CRHR1: variants seen among roughly 807,000 people sequenced by gnomAD.
The protein encoded by CRHR1 is corticotropin releasing hormone receptor 1, also known as corticotropin-releasing hormone receptor 1.
In CRHR1, 28 loss-of-function variants were observed where a neutral mutation model predicts 56.0. The observed-to-expected ratio is 0.50, with a 90% CI of 0.37 to 0.69. The LOEUF is 0.69. Ranked by LOEUF, CRHR1 falls within the 30% of genes least tolerant of loss-of-function variation. CRHR1 has a pLI of 0.00. For missense variants in CRHR1, 376 were observed against 548.0 expected, an observed-to-expected ratio of 0.69 and a Z score of 3.13; for synonymous variants, 195 against 216.5, an observed-to-expected ratio of 0.90 and a Z score of 0.87.
intron 1 of CRHR1, among the ~76,000 whole-genome samples, chr17:45,793,403 G>A (rs896900952): frequency 2.6e-5 from 4 of 152,130 alleles, no homozygotes; most frequent in African/African-American, 9.7e-5. Context: ...GCAGGGTCAG[G>A]GCACTCTAGC....
rs560741269 is a variant in CRHR1, at chr17:45,829,830, C to T, written c.435-264C>T. On this transcript the variant is annotated intron_variant, in intron 5 of 12. Coordinates refer to ENST00000314537, the MANE Select transcript of CRHR1 (RefSeq NM_004382.5). ...AGGGGAAGCGGGCATCGCCAGGAAT[C>T]CAGCTGCCCTGGTCCATGGAGCACA... 2.0e-5 allele frequency among the ~76,000 whole-genome samples: 3 copies of T among 152,172 alleles called. No individual in the cohort carries two copies. In the East Asian group the frequency reaches 5.8e-4, roughly 30 times the overall value.
chr17:45,834,397 G>A (rs1180741914), intron 12 of CRHR1, among the ~76,000 whole-genome samples: 1 of 152,214 alleles, frequency 6.6e-6, no homozygotes, highest in Non-Finnish European at 1.5e-5. Flanking sequence ...GTGCCTTCGT[G>A]TGGGTTAGAA....
chr17:45,803,781 C>CGCGT (rs1568040423), intron 1 of CRHR1, among the ~76,000 whole-genome samples: 259 of 56,682 alleles, frequency 4.6e-3, no homozygotes, highest in African/African-American at 0.017. Flanking sequence ...TGTGTGCGTG[C>CGCGT]GCGTGCGCGT....
rs141020781 is a variant in CRHR1, at chr17:45,814,831, G to A, written c.122-1632G>A. On this transcript the variant is annotated intron_variant, in intron 2 of 12. Transcript: ENST00000314537. ...TTGGCCCACTCCAGCCGCCTGGCCC[G>A]CAGTCACCTCGTGTCCATTAAGCCC... is the stretch of plus-strand genomic sequence containing the variant. 7.2e-5 allele frequency among the ~76,000 whole-genome samples: 11 copies of A among 152,358 alleles called. No homozygotes were observed. In the South Asian group the frequency reaches 1.0e-3, roughly 14 times the overall value.
rs949636045 is a variant in CRHR1 at position 45,784,461 on chromosome 17, G to A, written c.-84G>A. On this transcript the variant is annotated 5_prime_UTR_variant, in exon 1 of 13. Coordinates refer to ENST00000314537, the MANE Select transcript of CRHR1 (RefSeq NM_004382.5). The surrounding 1 kb of genome is among the most constrained non-coding windows in gnomAD (Gnocchi z 4.2). Reference sequence around the variant, plus strand: ...GGAGCCCGGCCGCCCACCCCGTGCCGCCCGAGCCCGCAGCCGCCCGCCGGT... The same window carrying A: ...GGAGCCCGGCCGCCCACCCCGTGCCACCCGAGCCCGCAGCCGCCCGCCGGT... 6 of 1,400,046 alleles carry A rather than the reference G, an allele frequency of 4.3e-6. No homozygotes were observed. The highest frequency in any genetic ancestry group is 5.7e-6 in the Non-Finnish European group (6 of 1,050,742). The allele number at this position is 1,400,046 out of a possible 1,614,324, so 86.7% of individuals were successfully genotyped here.
At chr17:45,787,776 C>G (rs1429874129) in intron 1 of CRHR1, among the ~76,000 whole-genome samples, 1 of 152,190 alleles carries the variant, frequency 6.6e-6, no homozygotes, top group Admixed American at 6.5e-5. Context: ...CAAGTTGTTT[C>G]TTTGATTAAA....
chr17:45,822,618 C>A (rs1449875374), intron 4 of CRHR1, among the ~76,000 whole-genome samples: 1 of 152,160 alleles, frequency 6.6e-6, no homozygotes, highest in Non-Finnish European at 1.5e-5. Context: ...TAAGAATCGT[C>A]CAGAGGCAGA....
intron 1 of CRHR1, 45 bp from the exon 2 acceptor site, chr17:45,806,965 C>T (rs1030373486): frequency 6.4e-7 from 1 of 1,567,304 alleles, no homozygotes. Context: ...ATGCTCATGG[C>T]TCATGGCACC....
chr17:45,810,169 C>T (rs1224078979), intron 2 of CRHR1, among the ~76,000 whole-genome samples: 1 of 152,014 alleles, frequency 6.6e-6, no homozygotes, highest in Non-Finnish European at 1.5e-5. Flanking sequence ...CCTATAATCC[C>T]AGCTACTCAG....
chr17:45,786,645 T>TTC (rs2061341521), intron 1 of CRHR1, among the ~76,000 whole-genome samples: 1 of 149,756 alleles, frequency 6.7e-6, no homozygotes, highest in East Asian at 2.0e-4. Flanking sequence ...CCTTTTTTTT[T>TTC]TTTTTTTTTT....
intron 4 of CRHR1, among the ~76,000 whole-genome samples, chr17:45,827,461 C>G (rs1361810395): frequency 6.6e-6 from 1 of 152,196 alleles, no homozygotes; most frequent in Non-Finnish European, 1.5e-5. Flanking sequence ...CTCCAGACAG[C>G]CTGTGATGTG....
intron 2 of CRHR1, 113 bp downstream of exon 2, chr17:45,807,210 C>A: frequency 2.2e-6 from 2 of 929,504 alleles, no homozygotes; most frequent in South Asian, 3.0e-5. Flanking sequence ...TTTGCAGAGT[C>A]ATTTCCTCTC....
At chr17:45,833,425 C>G in intron 9 of CRHR1, 27 bp from the exon 10 acceptor site, 1 of 1,610,958 alleles carries the variant, frequency 6.2e-7, no homozygotes, top group Non-Finnish European at 8.5e-7. Flanking sequence ...TTGCACACTC[C>G]GGCCCGCTGG....
At chr17:45,833,310 AC>A in intron 9 of CRHR1, 100 bp downstream of exon 9, 2 of 1,475,328 alleles carry the variant, frequency 1.4e-6, no homozygotes, top group Non-Finnish European at 1.9e-6. Flanking sequence ...GGTGGGGGCC[AC>A]CCAAAGAGGG....
At chr17:45,824,301 C>T (rs2062110150) in intron 4 of CRHR1, among the ~76,000 whole-genome samples, 1 of 152,208 alleles carries the variant, frequency 6.6e-6, no homozygotes, top group Non-Finnish European at 1.5e-5. Flanking sequence ...CACGCCATTG[C>T]AGAGAGGGAT....
chr17:45,831,163 T>C (rs2062300856), intron 8 of CRHR1, among the ~76,000 whole-genome samples: 1 of 152,152 alleles, frequency 6.6e-6, no homozygotes, highest in Non-Finnish European at 1.5e-5. Flanking sequence ...TTTATCTGCC[T>C]TGAGCTTACA....
At chr17:45,804,498 C>T (rs891336492) in intron 1 of CRHR1, among the ~76,000 whole-genome samples, 16 of 151,800 alleles carry the variant, frequency 1.1e-4, no homozygotes, top group African/African-American at 4.8e-5. Flanking sequence ...CCTTCATCAT[C>T]GGGACAGGAC....
At chr17:45,820,966 AT>A (rs1235620776) in intron 3 of CRHR1, among the ~76,000 whole-genome samples, 1 of 151,944 alleles carries the variant, frequency 6.6e-6, no homozygotes, top group African/African-American at 2.4e-5. Flanking sequence ...AGGTCTCACC[AT>A]TTTTTTGCTG....
chr17:45,833,699 C>G lies in CRHR1; in HGVS notation c.930-15C>G. The G allele has an allele frequency of 1.4e-6, 1 of 717,302 alleles. No homozygotes were observed. The highest frequency in any genetic ancestry group is 2.4e-6 in the Non-Finnish European group (1 of 410,620). The allele number at this position is 717,302 out of a possible 1,614,324, so 44.4% of individuals were successfully genotyped here. A position where few individuals can be genotyped will look rare whatever the true frequency, so the allele number is the denominator to read the frequency against. On this transcript the variant is annotated splice_polypyrimidine_tract_variant and intron_variant, in intron 10 of 12. Transcript: ENST00000314537. Reference sequence around the variant, plus strand: ...TGGGCTGTGACTCCGAGCCTCCCCACCCGCCCCACCCCAGGAAGGCTGTGA... The same window carrying G: ...TGGGCTGTGACTCCGAGCCTCCCCAGCCGCCCCACCCCAGGAAGGCTGTGA...
Sources: allele counts gnomAD v4.1 joint callset (sites outside exome capture counted in the v4.1 genomes callset), GRCh38; gene constraint gnomAD v4.1.1; non-coding constraint Gnocchi (gnomAD v3.1); transcripts MANE v1.5; gene names NCBI Gene and HGNC (gene_info 2026-07-23, HGNC 2026-07-21).